The following MCCC2 variants were observed in gnomAD, a reference collection of about 807,000 sequenced individuals.
MCCC2 encodes the protein methylcrotonyl-CoA carboxylase subunit 2.
Under a neutral mutation model 77.2 loss-of-function variants are expected in MCCC2, and 52 were observed. That is an observed-to-expected ratio of 0.67 (90% CI 0.54 to 0.85). The LOEUF is 0.85. Ranked by LOEUF, MCCC2 falls within the 40% of genes least tolerant of loss-of-function variation. The probability of loss-of-function intolerance (pLI) is 0.00; values close to 1 mark genes in which losing one functional copy is unlikely to be tolerated. For synonymous variants in MCCC2, 253 were observed against 248.4 expected (o/e 1.02, Z -0.18); for missense variants, 682 against 703.2 (o/e 0.97, Z 0.34).
At chr5:71,612,470 C>G (rs1010904473) in intron 6 of MCCC2, among the ~76,000 whole-genome samples, 25 of 152,088 alleles carry the variant, frequency 1.6e-4, no homozygotes, top group Non-Finnish European at 3.5e-4. Context: ...GCACAGATGG[C>G]CGTTGCATTA....
intron 10 of MCCC2, chr5:71,635,849 G>T (rs937587896): frequency 6.2e-6 from 1 of 161,944 alleles, no homozygotes; most frequent in Admixed American, 6.0e-5. Flanking sequence ...TGTACTGGAA[G>T]TTTTAATATT....
chr5:71,598,260 G>C (rs1476808012), intron 3 of MCCC2, among the ~76,000 whole-genome samples: 1 of 151,244 alleles, frequency 6.6e-6, no homozygotes, highest in Non-Finnish European at 1.5e-5. Context: ...TAGTAGAGAC[G>C]GGGTTTCACC....
chr5:71,594,030 A>G (rs1186398463), intron 2 of MCCC2, among the ~76,000 whole-genome samples: 1 of 152,174 alleles, frequency 6.6e-6, no homozygotes, highest in Non-Finnish European at 1.5e-5. Context: ...CAGCCTCCCA[A>G]GTAGCTGAGA....
At chr5:71,597,486 G>A (rs557578073) in intron 3 of MCCC2, among the ~76,000 whole-genome samples, 6 of 152,126 alleles carry the variant, frequency 3.9e-5, no homozygotes, top group South Asian at 4.2e-4. Flanking sequence ...GGTAGAGGGC[G>A]ATTGCAAGGA....
chr5:71,639,217 T>G (rs903792098), intron 10 of MCCC2, among the ~76,000 whole-genome samples: 1 of 152,230 alleles, frequency 6.6e-6, no homozygotes, highest in Non-Finnish European at 1.5e-5. Context: ...TCTCCCCAGC[T>G]ATGAAAGTCC....
At chr5:71,592,209 G>A (rs749816971) in intron 1 of MCCC2, among the ~76,000 whole-genome samples, 4 of 152,018 alleles carry the variant, frequency 2.6e-5, no homozygotes, top group Admixed American at 6.6e-5. Context: ...GGCGAAACCC[G>A]GTCTCTATTA....
chr5:71,643,055 A>G lies in MCCC2; in HGVS notation c.1073-764A>G, dbSNP rs142065621. Among the ~76,000 whole-genome samples, 251 of 152,110 alleles carry G rather than the reference A, an allele frequency of 1.7e-3. 2 individuals are homozygous for G. The highest frequency in any genetic ancestry group is 3.4e-3 in the Middle Eastern group (1 of 294). On this transcript the variant is annotated intron_variant, in intron 11 of 16. Transcript: ENST00000340941. ...TTTTTAAAAAGTCATAAACCCAGAC[A>G]AAGCCAGAGTAAAGAAGAAAAAAAA...
intron 2 of MCCC2, among the ~76,000 whole-genome samples, chr5:71,594,016 G>A (rs1745081469): frequency 6.6e-6 from 1 of 152,114 alleles, no homozygotes; most frequent in Admixed American, 6.5e-5. Context: ...TGATCTTCTT[G>A]CCTCAGCCTC....
intron 6 of MCCC2, among the ~76,000 whole-genome samples, chr5:71,611,950 G>A (rs544253785): frequency 3.3e-5 from 5 of 151,842 alleles, no homozygotes; most frequent in African/African-American, 4.8e-5. Context: ...CACCATGCCC[G>A]GCTAATTTTT....
chr5:71,635,082 A>C, intron 9 of MCCC2, 40 bp downstream of exon 9: 1 of 1,613,024 alleles, frequency 6.2e-7, no homozygotes, highest in Non-Finnish European at 8.5e-7. Flanking sequence ...TTTTCCTGAA[A>C]TGCATTTTGA....
rs763103058 is a variant in MCCC2, at chr5:71,604,429, C to G, written c.585C>G (p.Phe195Leu). The G allele has an allele frequency of 4.3e-6, 7 of 1,613,990 alleles. No homozygotes were observed. Among genetic ancestry groups the G allele is most frequent in the Non-Finnish European group, 5.9e-6 (7 of 1,180,030 alleles). The change falls in exon 6 of 17, where the codon TTC becomes TTG. Residue 195 changes from phenylalanine to leucine, a missense_variant. Phe to Leu is a conservative substitution (Grantham distance 22, BLOSUM62 0). Coordinates refer to ENST00000340941, the MANE Select transcript of MCCC2 (RefSeq NM_022132.5). ...FPDRDHFGRT[F>L]YNQAIMSSKN... The stretch of plus-strand genomic sequence containing the variant: ...ATCGAGACCACTTTGGCCGTACATT[C>G]TATAATCAGGCAATTATGTCTTCTA...
At chr5:71,601,738 T>C (rs1352173147) in intron 4 of MCCC2, among the ~76,000 whole-genome samples, 1 of 152,158 alleles carries the variant, frequency 6.6e-6, no homozygotes, top group Non-Finnish European at 1.5e-5. Context: ...AAAATTGAAT[T>C]TTGTAAAGAG....
chr5:71,630,952 G>C (rs1404539754), intron 7 of MCCC2, among the ~76,000 whole-genome samples: 1 of 152,022 alleles, frequency 6.6e-6, no homozygotes, highest in Admixed American at 6.6e-5. Flanking sequence ...GGTTGGATTG[G>C]CATTTAGCCT....
intron 1 of MCCC2, among the ~76,000 whole-genome samples, chr5:71,587,766 G>A (rs890211407): frequency 6.6e-6 from 1 of 152,208 alleles, no homozygotes; most frequent in Non-Finnish European, 1.5e-5. Flanking sequence ...GAAATCAGTG[G>A]TTCTTAAAGC....
chr5:71,642,985 A>G (rs1358315870), intron 11 of MCCC2, among the ~76,000 whole-genome samples: 1 of 151,876 alleles, frequency 6.6e-6, no homozygotes, highest in East Asian at 1.9e-4. Context: ...CCTGGGCGAC[A>G]GAAAAAGACC....
chr5:71,636,008 A>G (rs987939540), intron 10 of MCCC2: 1 of 243,598 alleles, frequency 4.1e-6, no homozygotes, highest in Non-Finnish European at 8.4e-6. Context: ...TAATGTGTAT[A>G]TACGCACATT....
chr5:71,613,247 G>A (rs1203365682), intron 6 of MCCC2, among the ~76,000 whole-genome samples: 3 of 152,144 alleles, frequency 2.0e-5, no homozygotes, highest in South Asian at 2.1e-4. Flanking sequence ...TTTTGTTGGG[G>A]GAGGCTACTA....
intron 15 of MCCC2, 88 bp downstream of exon 15, chr5:71,650,271 T>C (rs1468658346): frequency 9.3e-7 from 1 of 1,075,794 alleles, no homozygotes; most frequent in African/African-American, 1.5e-5. Flanking sequence ...TGGAAGCCCT[T>C]GGTGTTCATG....
chr5:71,591,581 C>G (rs1023251677), intron 1 of MCCC2, among the ~76,000 whole-genome samples: 3 of 151,848 alleles, frequency 2.0e-5, no homozygotes, highest in Admixed American at 6.6e-5. Context: ...GGATTACAGG[C>G]AAGCACCACC....
Sources: allele counts gnomAD v4.1 joint callset (sites outside exome capture counted in the v4.1 genomes callset), GRCh38; gene constraint gnomAD v4.1.1; transcripts MANE v1.5; gene names NCBI Gene and HGNC (gene_info 2026-07-23, HGNC 2026-07-21).